The following GRIA1 variants were observed in gnomAD, a reference collection of about 807,000 sequenced individuals.
The protein encoded by GRIA1 is glutamate ionotropic receptor AMPA type subunit 1, also known as glutamate receptor 1.
A neutral mutation model predicts 99.2 loss-of-function variants in GRIA1; 31 were observed. That is an observed-to-expected ratio of 0.31 (90% confidence interval 0.23 to 0.42). GRIA1 has a LOEUF of 0.42. Among genes scored for constraint, GRIA1 ranks in the 10% least tolerant of loss-of-function variants. The probability of loss-of-function intolerance (pLI) is 1.00; values close to 1 mark genes in which losing one functional copy is unlikely to be tolerated. For missense variants in GRIA1, 782 were observed against 1,157.5 expected (o/e 0.68, Z 4.71); for synonymous variants, 438 against 432.4 (o/e 1.01, Z -0.16).
At chr5:153,492,442 G>A in intron 1 of GRIA1, 4 of 825,572 alleles carry the variant, frequency 4.8e-6, no homozygotes, top group Non-Finnish European at 6.7e-6. Context: ...TTGCAGAGGA[G>A]GAGAAAGGGG....
intron 2 of GRIA1, among the ~76,000 whole-genome samples, chr5:153,515,889 G>A (rs1365059630): frequency 6.6e-6 from 1 of 152,124 alleles, no homozygotes; most frequent in Admixed American, 6.5e-5. Flanking sequence ...GGTGGTCAAT[G>A]GACAAACAGA....
intron 15 of GRIA1, among the ~76,000 whole-genome samples, chr5:153,802,938 C>T: frequency 6.6e-6 from 1 of 152,104 alleles, no homozygotes; most frequent in Non-Finnish European, 1.5e-5. Flanking sequence ...AAGAAATAGA[C>T]ATTGACAAAG....
intron 7 of GRIA1, among the ~76,000 whole-genome samples, chr5:153,684,244 A>C (rs1358227501): frequency 6.7e-6 from 1 of 149,994 alleles, no homozygotes; most frequent in Non-Finnish European, 1.5e-5. Flanking sequence ...GTGTGTCATA[A>C]ACATGAAGTT....
intron 2 of GRIA1, among the ~76,000 whole-genome samples, chr5:153,626,396 G>C (rs1767607402): frequency 6.6e-6 from 1 of 151,346 alleles, no homozygotes; most frequent in Non-Finnish European, 1.5e-5. Flanking sequence ...CCTTGACTCT[G>C]CTCTCTCTAT....
chr5:153,794,311 A>G (rs935280388), intron 13 of GRIA1, among the ~76,000 whole-genome samples: 4 of 152,218 alleles, frequency 2.6e-5, no homozygotes, highest in African/African-American at 9.6e-5. Flanking sequence ...GAAAAGAAAA[A>G]AAGAAAGAAA....
At chr5:153,493,048 A>T (rs1754074087) in intron 1 of GRIA1, among the ~76,000 whole-genome samples, 1 of 152,250 alleles carries the variant, frequency 6.6e-6, no homozygotes, top group Admixed American at 6.5e-5. Context: ...TTTAATTCAC[A>T]GAAATGTAAT....
At chr5:153,740,276 C>T (rs1251202504) in intron 11 of GRIA1, among the ~76,000 whole-genome samples, 1 of 152,198 alleles carries the variant, frequency 6.6e-6, no homozygotes, top group Non-Finnish European at 1.5e-5. Flanking sequence ...ACAGCTTCAA[C>T]AACAGGTAGC....
intron 2 of GRIA1, among the ~76,000 whole-genome samples, chr5:153,563,276 T>C (rs12522937): frequency 0.13 from 19,970 of 152,034 alleles, 1,477 homozygotes; most frequent in South Asian, 0.24. Context: ...CAGTATTTGG[T>C]TTTGTGCCCT....
chr5:153,740,256 G>A (rs373856524), intron 11 of GRIA1, among the ~76,000 whole-genome samples: 41 of 152,300 alleles, frequency 2.7e-4, no homozygotes, highest in African/African-American at 7.0e-4. Context: ...TAGTACAGGC[G>A]GAGAGGAGAA....
At chr5:153,630,387 A>T (rs1041433646) in intron 2 of GRIA1, among the ~76,000 whole-genome samples, 1 of 152,132 alleles carries the variant, frequency 6.6e-6, no homozygotes, top group African/African-American at 2.4e-5. Context: ...GAAGAGAAAA[A>T]GCCCAATGTT....
At chr5:153,526,698 T>C (rs1280481474) in intron 2 of GRIA1, among the ~76,000 whole-genome samples, 2 of 152,236 alleles carry the variant, frequency 1.3e-5, no homozygotes, top group African/African-American at 4.8e-5. Flanking sequence ...TATTAATTCA[T>C]GCACAATCAT....
chr5:153,620,159 C>T (rs972427514), intron 2 of GRIA1, among the ~76,000 whole-genome samples: 1 of 152,138 alleles, frequency 6.6e-6, no homozygotes, highest in Non-Finnish European at 1.5e-5. Context: ...CTCTGTAGGT[C>T]AGGAAGTATA....
At chr5:153,549,246 A>G (rs1759896987) in intron 2 of GRIA1, among the ~76,000 whole-genome samples, 1 of 152,182 alleles carries the variant, frequency 6.6e-6, no homozygotes. Context: ...GGCATGGCCA[A>G]CACTTTGAAA....
At chr5:153,746,952 T>C (rs1470541979) in intron 11 of GRIA1, among the ~76,000 whole-genome samples, 2 of 152,078 alleles carry the variant, frequency 1.3e-5, no homozygotes, top group Non-Finnish European at 2.9e-5. Context: ...ATCACATGAG[T>C]GGAATCAGAT....
At chr5:153,493,687 A>C (rs1754137376) in intron 1 of GRIA1, among the ~76,000 whole-genome samples, 1 of 152,232 alleles carries the variant, frequency 6.6e-6, no homozygotes, top group African/African-American at 2.4e-5. Context: ...GTTGAGGGGT[A>C]CACAATCAAA....
intron 7 of GRIA1, among the ~76,000 whole-genome samples, chr5:153,684,798 C>T (rs182593763): frequency 6.6e-6 from 1 of 152,264 alleles, no homozygotes; most frequent in East Asian, 1.9e-4. Context: ...GCAAAGATAG[C>T]CCAGACATTT....
chr5:153,536,742 A>G (rs911840914), intron 2 of GRIA1, among the ~76,000 whole-genome samples: 1 of 152,192 alleles, frequency 6.6e-6, no homozygotes, highest in Non-Finnish European at 1.5e-5. Context: ...GTTTCATTCT[A>G]TCACCTCTGC....
rs549630543 is a variant in GRIA1, at chr5:153,591,430, T to C, written c.221-55498T>C. ...TCGCACGAAAACCCTGACCAACACA[T>C]CCCTATACCAACTAGGTCAGATCCT... is the stretch of plus-strand genomic sequence containing the variant. On this transcript the variant is annotated intron_variant, in intron 2 of 15. Coordinates refer to ENST00000285900, the MANE Select transcript of GRIA1 (RefSeq NM_000827.4). Among the ~76,000 whole-genome samples, 33 of 152,340 alleles carry C rather than the reference T, an allele frequency of 2.2e-4. No individual in the cohort carries two copies. The South Asian group carries it at 2.7e-3, about 12-fold the overall frequency.
At chr5:153,559,604 C>G (rs1238316942) in intron 2 of GRIA1, among the ~76,000 whole-genome samples, 1 of 152,104 alleles carries the variant, frequency 6.6e-6, no homozygotes, top group African/African-American at 2.4e-5. Context: ...ATGTGCTATA[C>G]TTTTATATGC....
Sources: gnomAD v4.1 joint callset for allele counts (sites outside exome capture counted in the v4.1 genomes callset) on GRCh38, gnomAD v4.1.1 for gene constraint, MANE v1.5 for transcripts, NCBI Gene and HGNC (gene_info 2026-07-23, HGNC 2026-07-21) for gene names.